Variants in RHCE observed in about 807,000 individuals in gnomAD.
The protein encoded by RHCE is blood group Rh(CE) polypeptide.
In RHCE, 22 loss-of-function variants were observed where a neutral mutation model predicts 43.8. The ratio of observed to expected loss-of-function variants is 0.50; its 90% confidence interval spans 0.36 to 0.72. The LOEUF (loss-of-function observed/expected upper bound fraction) is 0.72. RHCE is among the 30% of genes least tolerant of loss of function. The pLI, the probability that RHCE is intolerant of heterozygous loss-of-function variation, is 0.00. For missense variants in RHCE, 385 were observed against 525.4 expected (o/e 0.73, Z 2.61); for synonymous variants, 156 against 210.7 (o/e 0.74, Z 2.25).
chr1:25,410,860 G>A (rs1451782825), intron 1 of RHCE, among the ~76,000 whole-genome samples: 1 of 152,058 alleles, frequency 6.6e-6, no homozygotes, highest in Non-Finnish European at 1.5e-5. Context: ...AGGAGGATGA[G>A]GTGGGCAGAT....
intron 5 of RHCE, among the ~76,000 whole-genome samples, chr1:25,390,513 G>A (rs1476380340): frequency 1.3e-5 from 2 of 152,194 alleles, no homozygotes; most frequent in Admixed American, 6.5e-5. Flanking sequence ...ATGTTAGCAT[G>A]GATGGATTTA....
intron 8 of RHCE, among the ~76,000 whole-genome samples, 180 bp from the exon 9 acceptor site, chr1:25,370,720 A>C (rs112525815): frequency 5.0e-5 from 6 of 119,000 alleles, no homozygotes; most frequent in African/African-American, 1.5e-4. Context: ...AATTCTGTAG[A>C]CTATTTTATT....
intron 9 of RHCE, among the ~76,000 whole-genome samples, chr1:25,369,869 A>C (rs868384949): frequency 1.3e-5 from 2 of 150,120 alleles, no homozygotes; most frequent in Admixed American, 1.3e-4. Context: ...CTCCTGAGTA[A>C]CTGGGATTAC....
chr1:25,392,102 C>T lies in RHCE; in HGVS notation c.526G>A (p.Ala176Thr), dbSNP rs753965768. 16 of 1,614,156 alleles carry T rather than the reference C, an allele frequency of 9.9e-6. No homozygotes were observed. Among genetic ancestry groups the T allele is most frequent in the East Asian group, 2.2e-5 (1 of 44,886 alleles). The change falls in exon 4 of 10, where the codon GCA becomes ACA. Residue 176 changes from alanine to threonine, a missense_variant. Ala to Thr is a moderately conservative substitution (Grantham distance 58, BLOSUM62 0). Transcript: ENST00000294413. ...GCCACAGTCAGCCCAAAATAGGCTGCGAACACGTAGAAGTGCCTCAGGTTC... is the reference window on the plus strand; with the variant it reads ...GCCACAGTCAGCCCAAAATAGGCTGTGAACACGTAGAAGTGCCTCAGGTTC... ...HMNLRHFYVFAAYFGLTVAWC... is the reference protein window; with the variant it reads ...HMNLRHFYVFTAYFGLTVAWC...
intron 8 of RHCE, among the ~76,000 whole-genome samples, chr1:25,374,149 C>T (rs188918274): frequency 3.3e-5 from 5 of 150,408 alleles, no homozygotes; most frequent in Non-Finnish European, 4.4e-5. Context: ...TTTTTTTAGA[C>T]AGAGTCTCGG....
At chr1:25,412,017 G>A (rs1243836240) in intron 1 of RHCE, among the ~76,000 whole-genome samples, 1 of 152,192 alleles carries the variant, frequency 6.6e-6, no homozygotes, top group Non-Finnish European at 1.5e-5. Context: ...TGTGAGGGGC[G>A]CTCATGACCG....
Position 25,418,373 on chromosome 1 carries a change from G to T in RHCE, c.148+2266C>A, listed in dbSNP as rs974235780. ...TTGTTGTTGTTGTTGTTTTTGTTTG[G>T]TTTTTTGAGATGAAGTCTTGCTCTG... is the stretch of plus-strand genomic sequence containing the variant. On this transcript the variant is annotated intron_variant, in intron 1 of 9. Coordinates refer to ENST00000294413, the MANE Select transcript of RHCE (RefSeq NM_020485.8). Among the ~76,000 whole-genome samples, 7 of 150,192 alleles carry T rather than the reference G, an allele frequency of 4.7e-5. No individual in the cohort carries two copies. In the South Asian group the frequency reaches 6.3e-4, roughly 14 times the overall value.
chr1:25,375,975 G>C lies in RHCE; in HGVS notation c.1074-547C>G, dbSNP rs1645774663. Among the ~76,000 whole-genome samples the C allele has an allele frequency of 5.9e-5, 9 of 151,930 alleles. No individual in the cohort carries two copies. The South Asian group carries it at 1.9e-3, about 32-fold the overall frequency. On this transcript the variant is annotated intron_variant, in intron 7 of 9. Transcript: ENST00000294413. ...CTGGATAATTTTTGTATTATTAATA[G>C]AGACGGGGTTTCACCATGTTGACCA...
intron 2 of RHCE, among the ~76,000 whole-genome samples, chr1:25,404,169 CAAAAA>C (rs3079571): frequency 2.2e-5 from 2 of 90,980 alleles, no homozygotes; most frequent in East Asian, 3.2e-4. Flanking sequence ...CTCTGTCTCA[CAAAAA>C]AAAAAAAAAA....
chr1:25,391,261 T>C (rs1238292687), intron 4 of RHCE, among the ~76,000 whole-genome samples: 2 of 152,172 alleles, frequency 1.3e-5, no homozygotes, highest in African/African-American at 4.8e-5. Flanking sequence ...CTTGGCTCAC[T>C]GCAACCTCCA....
intron 9 of RHCE, among the ~76,000 whole-genome samples, chr1:25,367,997 G>A (rs1645478352): frequency 6.6e-6 from 1 of 150,682 alleles, no homozygotes; most frequent in Non-Finnish European, 1.5e-5. Flanking sequence ...TACAGAAAAC[G>A]CAAACCTTAG....
At chr1:25,421,088 A>G (rs1352846635), upstream of RHCE, 1 of 411,914 alleles carries the variant, frequency 2.4e-6, no homozygotes, top group African/African-American at 2.0e-5. Context: ...TTGACACCCA[A>G]ACATAATCCT....
intron 6 of RHCE, among the ~76,000 whole-genome samples, chr1:25,388,604 A>G (rs551900324): frequency 1.3e-5 from 2 of 152,238 alleles, no homozygotes; most frequent in Admixed American, 1.3e-4. Context: ...GGGGTGAAAG[A>G]GGAGGAAGCA....
intron 7 of RHCE, among the ~76,000 whole-genome samples, chr1:25,376,437 T>A (rs958017532): frequency 6.6e-6 from 1 of 152,246 alleles, no homozygotes; most frequent in Admixed American, 6.5e-5. Flanking sequence ...TGTTCTCATT[T>A]TTAAGACAAA....
intron 1 of RHCE, among the ~76,000 whole-genome samples, chr1:25,419,077 G>A (rs2042686007): frequency 6.6e-6 from 1 of 152,202 alleles, no homozygotes; most frequent in African/African-American, 2.4e-5. Context: ...TGCTAGCTGA[G>A]CGACCTTGGG....
chr1:25,382,647 C>T (rs1646035229), intron 7 of RHCE, among the ~76,000 whole-genome samples: 1 of 152,032 alleles, frequency 6.6e-6, no homozygotes, highest in Admixed American at 6.6e-5. Flanking sequence ...CTCACAGCAG[C>T]CCTGTGAGTG....
intron 2 of RHCE, among the ~76,000 whole-genome samples, chr1:25,428,067 G>A (rs1200858598): frequency 6.6e-6 from 1 of 152,132 alleles, no homozygotes; most frequent in African/African-American, 2.4e-5. Context: ...AACCTCCATT[G>A]CTCCCAGCCA....
chr1:25,407,771 T>C (rs1313962363), intron 2 of RHCE, among the ~76,000 whole-genome samples: 1 of 123,660 alleles, frequency 8.1e-6, no homozygotes, highest in Non-Finnish European at 1.8e-5. Context: ...CAGAGAACAT[T>C]TTCTGCACCC....
At chr1:25,385,394 C>T (rs1176227783) in intron 7 of RHCE, 1 of 419,388 alleles carries the variant, frequency 2.4e-6, no homozygotes, top group Admixed American at 3.3e-5. Context: ...AGCTCTGCAT[C>T]ACGACCTGAA....
Sources: gnomAD v4.1 joint callset for allele counts (sites outside exome capture counted in the v4.1 genomes callset) on GRCh38, gnomAD v4.1.1 for gene constraint, MANE v1.5 for transcripts, NCBI Gene and HGNC (gene_info 2026-07-23, HGNC 2026-07-21) for gene names.